The following STK3 variants were observed in gnomAD, a reference collection of about 807,000 sequenced individuals.
STK3 encodes the protein serine/threonine-protein kinase 3.
In STK3, 41 loss-of-function variants were observed where a neutral mutation model predicts 58.0. The observed-to-expected ratio is 0.71, with a 90% confidence interval of 0.55 to 0.92. The LOEUF (loss-of-function observed/expected upper bound fraction) is 0.92, where lower values mean the gene tolerates loss of function less well. Among genes scored for constraint, STK3 ranks in the 40% least tolerant of loss-of-function variants. The probability of loss-of-function intolerance (pLI) is 0.00; values close to 1 mark genes in which losing one functional copy is unlikely to be tolerated. For synonymous variants in STK3, 170 were observed against 191.0 expected (o/e 0.89, Z 0.91); for missense variants, 479 against 602.7 (o/e 0.79, Z 2.15).
intron 8 of STK3, among the ~76,000 whole-genome samples, chr8:98,556,792 A>C (rs1032555050): frequency 1.3e-5 from 2 of 152,120 alleles, no homozygotes; most frequent in African/African-American, 4.8e-5. Flanking sequence ...CTGTACTAAA[A>C]AGGGTCATAT....
At chr8:98,465,546 T>C (rs1195482225) in intron 10 of STK3, among the ~76,000 whole-genome samples, 1 of 152,188 alleles carries the variant, frequency 6.6e-6, no homozygotes, top group Non-Finnish European at 1.5e-5. Flanking sequence ...ATTAAGCATT[T>C]TTCTATTTAA....
chr8:98,552,348 G>T (rs1811236016), intron 8 of STK3, among the ~76,000 whole-genome samples: 2 of 151,952 alleles, frequency 1.3e-5, no homozygotes, highest in Admixed American at 1.3e-4. Context: ...TCTGCATTTG[G>T]CCTCCTATCA....
At chr8:98,540,308 A>G (rs901217679) in intron 9 of STK3, among the ~76,000 whole-genome samples, 20 of 152,206 alleles carry the variant, frequency 1.3e-4, no homozygotes, top group African/African-American at 4.6e-4. Context: ...ACGTATTTTA[A>G]AAGCAGAGAT....
intron 6 of STK3, chr8:98,633,568 G>A: frequency 1.4e-6 from 1 of 738,412 alleles, no homozygotes; most frequent in Non-Finnish European, 2.5e-6. Flanking sequence ...AGGCTCTTCA[G>A]GTTCTCCTCT....
At chr8:98,413,545 C>T in intron 3 of STK3, 1 of 652,900 alleles carries the variant, frequency 1.5e-6, no homozygotes, top group South Asian at 1.4e-5. Context: ...ACTGTGACAT[C>T]ATCTAGGTCA....
At chr8:98,920,546 T>C (rs1056130109) in intron 1 of STK3, among the ~76,000 whole-genome samples, 2 of 152,266 alleles carry the variant, frequency 1.3e-5, no homozygotes, top group Non-Finnish European at 2.9e-5. Flanking sequence ...TGGCCTTTTA[T>C]GTTGCCACAA....
chr8:98,544,695 C>T (rs1301283748), intron 9 of STK3, among the ~76,000 whole-genome samples: 1 of 139,566 alleles, frequency 7.2e-6, no homozygotes, highest in Non-Finnish European at 1.6e-5. Flanking sequence ...CACACACACA[C>T]AGCTTGACTC....
chr8:98,357,079 G>A, the STK3 span, among the ~76,000 whole-genome samples: 1 of 152,176 alleles, frequency 6.6e-6, no homozygotes, highest in Non-Finnish European at 1.5e-5. Flanking sequence ...GAAGGAAAGA[G>A]TCTTTGTGCT....
intron 6 of STK3, among the ~76,000 whole-genome samples, chr8:98,655,212 C>A (rs1821385583): frequency 6.6e-6 from 1 of 152,060 alleles, no homozygotes; most frequent in Non-Finnish European, 1.5e-5. Context: ...TTTGACAAAC[C>A]TGACAAAAAC....
intron 4 of STK3, among the ~76,000 whole-genome samples, chr8:98,710,417 C>A (rs907535440): frequency 6.6e-6 from 1 of 152,162 alleles, no homozygotes; most frequent in Non-Finnish European, 1.5e-5. Context: ...ACAGATGGCA[C>A]CTGGAAAATC....
At chr8:98,905,323 G>T (rs1396078522) in intron 1 of STK3, 4 of 886,622 alleles carry the variant, frequency 4.5e-6, no homozygotes, top group Non-Finnish European at 7.7e-6. Flanking sequence ...TGTATGAAGT[G>T]TATGAGGACA....
At chr8:98,735,952 TA>T (rs1276324338) in intron 4 of STK3, among the ~76,000 whole-genome samples, 1 of 152,088 alleles carries the variant, frequency 6.6e-6, no homozygotes, top group African/African-American at 2.4e-5. Flanking sequence ...ACTTTTAAAA[TA>T]TGTGAAGTAC....
rs879737628 is a variant in STK3, at chr8:98,615,491, T to C, written c.685-19322A>G. Among the ~76,000 whole-genome samples, 334 of 147,568 alleles carry C rather than the reference T, an allele frequency of 2.3e-3. 1 individual carries two copies. Among genetic ancestry groups the C allele is most frequent in the Non-Finnish European group, 3.4e-3 (221 of 65,678 alleles). ...ACTTTGACGAGCTGAGAGAAGAAGG[T>C]TTCAGACGATCAAATTACTCTGAGC... On this transcript the variant is annotated intron_variant, in intron 6 of 10. Coordinates refer to ENST00000419617, the MANE Select transcript of STK3 (RefSeq NM_006281.4).
At chr8:98,711,378 A>C (rs183282781) in intron 4 of STK3, among the ~76,000 whole-genome samples, 186 of 152,116 alleles carry the variant, frequency 1.2e-3, no homozygotes, top group Non-Finnish European at 2.3e-3. Context: ...GAAGTTAAAA[A>C]CCTTGAAAAA....
intron 9 of STK3, among the ~76,000 whole-genome samples, chr8:98,545,119 C>T (rs1054196591): frequency 6.6e-6 from 1 of 152,310 alleles, no homozygotes; most frequent in Middle Eastern, 3.4e-3. Flanking sequence ...TGACCTGGTC[C>T]TAATCTACTC....
At chr8:98,923,757 T>C (rs953119765) in intron 1 of STK3, among the ~76,000 whole-genome samples, 3 of 152,078 alleles carry the variant, frequency 2.0e-5, no homozygotes, top group Admixed American at 1.3e-4. Context: ...GAAATGTGTA[T>C]ATGGAATAAA....
chr8:98,604,992 A>T (rs1336734226), intron 6 of STK3, among the ~76,000 whole-genome samples: 9 of 152,214 alleles, frequency 5.9e-5, no homozygotes, highest in Non-Finnish European at 5.9e-5. Flanking sequence ...GCATAACAAA[A>T]GTGACATTTG....
At chr8:98,459,524 TTAAG>T (rs1238744442) in intron 10 of STK3, among the ~76,000 whole-genome samples, 1 of 152,188 alleles carries the variant, frequency 6.6e-6, no homozygotes, top group African/African-American at 2.4e-5. Flanking sequence ...GAAATCTGCG[TTAAG>T]TAATAAGGAG....
chr8:98,565,063 T>C (rs1586875299), intron 8 of STK3, among the ~76,000 whole-genome samples: 1 of 152,292 alleles, frequency 6.6e-6, no homozygotes, highest in East Asian at 1.9e-4. Flanking sequence ...CTTAAAAAAT[T>C]GAGAAAATCC....
Sources: gnomAD v4.1 joint callset for allele counts (sites outside exome capture counted in the v4.1 genomes callset) on GRCh38, gnomAD v4.1.1 for gene constraint, MANE v1.5 for transcripts, NCBI Gene and HGNC (gene_info 2026-07-23, HGNC 2026-07-21) for gene names.